Variants in RCOR1 observed in about 807,000 individuals in gnomAD.
RCOR1 encodes the protein REST corepressor 1.
Under a neutral mutation model 64.0 loss-of-function variants are expected in RCOR1, and 12 were observed. The observed-to-expected ratio is 0.19, with a 90% CI of 0.12 to 0.30. RCOR1 has a LOEUF of 0.30. Ranked by LOEUF, RCOR1 falls within the 10% of genes least tolerant of loss-of-function variation. RCOR1 has a pLI of 1.00. For synonymous variants in RCOR1, 279 were observed against 227.2 expected (o/e 1.23, Z -2.05); for missense variants, 502 against 621.2 (o/e 0.81, Z 2.04).
Position 102,714,587 on chromosome 14 carries a change from AGACATGGAATTGGTTTCAGTCAAAC to A in RCOR1, c.1028_1052del (p.Met343ArgfsTer20). 1 of 1,610,732 alleles carries A rather than the reference AGACATGGAATTGGTTTCAGTCAAAC, an allele frequency of 6.2e-7. No individual in the cohort carries two copies. Among genetic ancestry groups the A allele is most frequent in the Non-Finnish European group, 8.5e-7 (1 of 1,178,002 alleles). On this transcript the variant is annotated frameshift_variant, in exon 8 of 12. Coordinates refer to ENST00000262241, the MANE Select transcript of RCOR1 (RefSeq NM_015156.4). LOFTEE classifies it high-confidence loss of function. ...CTGCTACCACGGTGCTGAGACAACT[AGACATGGAATTGGTTTCAGTCAAAC>A]GACAGGTACTCATAAGCCTGGTCTT...
chr14:102,651,266 G>GA (rs903000624), intron 2 of RCOR1: 1 of 164,220 alleles, frequency 6.1e-6, no homozygotes, highest in African/African-American at 2.4e-5. Context: ...TGTAGAATTT[G>GA]AAAATAGGCC....
intron 2 of RCOR1, among the ~76,000 whole-genome samples, chr14:102,606,726 C>T (rs931133055): frequency 6.8e-6 from 1 of 146,934 alleles, no homozygotes; most frequent in Non-Finnish European, 1.5e-5. Context: ...GCCTTGACTT[C>T]TTGGGCACCA....
At chr14:102,642,075 G>A (rs917242607) in intron 2 of RCOR1, among the ~76,000 whole-genome samples, 1 of 152,154 alleles carries the variant, frequency 6.6e-6, no homozygotes, top group African/African-American at 2.4e-5. Context: ...GGTTAACATA[G>A]GGATTGATGG....
chr14:102,627,792 T>G (rs1894011673), intron 2 of RCOR1, among the ~76,000 whole-genome samples: 1 of 152,176 alleles, frequency 6.6e-6, no homozygotes, highest in Non-Finnish European at 1.5e-5. Flanking sequence ...CCTCTAGAGT[T>G]GCTCTTGAGG....
intron 2 of RCOR1, among the ~76,000 whole-genome samples, chr14:102,612,433 A>T (rs192288355): frequency 0.01 from 1,544 of 151,790 alleles, 16 homozygotes; most frequent in Admixed American, 0.015. Context: ...TCCTGCTCTT[A>T]AGCGATCTGC....
At chr14:102,713,187 C>CA (rs1486859424) in intron 7 of RCOR1, among the ~76,000 whole-genome samples, 1 of 151,142 alleles carries the variant, frequency 6.6e-6, no homozygotes, top group Non-Finnish European at 1.5e-5. Context: ...CTCCTGACCT[C>CA]AAGTGATCCA....
At chr14:102,721,562 A>ATT in intron 10 of RCOR1, 185 bp downstream of exon 10, 1 of 408,242 alleles carries the variant, frequency 2.4e-6, no homozygotes, top group Non-Finnish European at 4.3e-6. Flanking sequence ...AAAAAAAAAA[A>ATT]ATTTTTTTTT....
chr14:102,686,297 T>A (rs1895417704), intron 3 of RCOR1, among the ~76,000 whole-genome samples: 1 of 152,184 alleles, frequency 6.6e-6, no homozygotes, highest in African/African-American at 2.4e-5. Context: ...TAGAGACATT[T>A]TAGCTTCACA....
At chr14:102,644,430 A>G (rs553486831) in intron 2 of RCOR1, among the ~76,000 whole-genome samples, 24 of 152,344 alleles carry the variant, frequency 1.6e-4, no homozygotes, top group African/African-American at 5.0e-4. Context: ...GTGGGATGAC[A>G]TGAGAAACAT....
At chr14:102,617,972 CTTTTTTT>C (rs71305077) in intron 2 of RCOR1, among the ~76,000 whole-genome samples, 4 of 122,552 alleles carry the variant, frequency 3.3e-5, no homozygotes, top group African/African-American at 1.2e-4. Flanking sequence ...TTTTTTTTTT[CTTTTTTT>C]TTTTTTTTTG....
chr14:102,711,177 A>G (rs1895949538), intron 7 of RCOR1, among the ~76,000 whole-genome samples, 164 bp downstream of exon 7: 1 of 152,200 alleles, frequency 6.6e-6, no homozygotes, highest in Non-Finnish European at 1.5e-5. Flanking sequence ...TAGATTGTAT[A>G]ATTTTGTTTG....
intron 2 of RCOR1, among the ~76,000 whole-genome samples, chr14:102,656,722 C>G (rs1274569237): frequency 6.6e-6 from 1 of 151,904 alleles, no homozygotes; most frequent in Non-Finnish European, 1.5e-5. Context: ...CCCACCTCAG[C>G]CTCCCAAAGT....
At position 102,713,578 on chromosome 14, in the gene RCOR1, A is replaced by G. The variant is rs1896004827; in HGVS notation, c.859-845A>G. 2.0e-5 allele frequency among the ~76,000 whole-genome samples: 3 copies of G among 150,830 alleles called. No homozygotes were observed. The South Asian group carries it at 6.3e-4, about 32-fold the overall frequency. On this transcript the variant is annotated intron_variant, in intron 7 of 11. Coordinates refer to ENST00000262241, the MANE Select transcript of RCOR1 (RefSeq NM_015156.4). ...ATTACAGGCATGAGCCACCATGCCC[A>G]GCCACCTGGCCCGTAGTTTTTTTAA...
At chr14:102,700,340 G>C (rs540659109) in intron 3 of RCOR1, among the ~76,000 whole-genome samples, 2 of 152,222 alleles carry the variant, frequency 1.3e-5, no homozygotes, top group South Asian at 4.1e-4. Context: ...TCCTGCCTCA[G>C]CCTCCCAAGT....
chr14:102,642,216 AAGGAATCT>A (rs1239954864), intron 2 of RCOR1, among the ~76,000 whole-genome samples: 2 of 133,776 alleles, frequency 1.5e-5, no homozygotes, highest in African/African-American at 5.6e-5. Context: ...ATAGGTAAAG[AAGGAATCT>A]GATAGAAGGA....
At chr14:102,593,348 C>CGGCGGCGGGGATGAGCGGG in intron 2 of RCOR1, 23 bp downstream of exon 2, 1 of 1,522,380 alleles carries the variant, frequency 6.6e-7, no homozygotes, top group Non-Finnish European at 8.7e-7. Context: ...CCCGGCCGGC[C>CGGCGGCGGGGATGAGCGGG]GGCGGCGGGG....
At chr14:102,602,394 C>CTTTT (rs66743592) in intron 2 of RCOR1, among the ~76,000 whole-genome samples, 1 of 104,240 alleles carries the variant, frequency 9.6e-6, no homozygotes, top group African/African-American at 3.7e-5. Flanking sequence ...CTTTTCTTTT[C>CTTTT]TTTTTTTTTT....
intron 3 of RCOR1, among the ~76,000 whole-genome samples, chr14:102,687,305 C>T (rs376642776): frequency 2.0e-5 from 3 of 152,306 alleles, no homozygotes; most frequent in African/African-American, 7.2e-5. Flanking sequence ...TGTTTAAGGT[C>T]CCATAGCCAG....
At chr14:102,662,613 G>C (rs1458294359) in intron 2 of RCOR1, 1 of 450,214 alleles carries the variant, frequency 2.2e-6, no homozygotes, top group Non-Finnish European at 4.2e-6. Context: ...TCCGGCTGTG[G>C]ACGCCTTTCA....
Sources: gnomAD v4.1 joint callset for allele counts (sites outside exome capture counted in the v4.1 genomes callset) on GRCh38, gnomAD v4.1.1 for gene constraint, MANE v1.5 for transcripts, NCBI Gene and HGNC (gene_info 2026-07-23, HGNC 2026-07-21) for gene names.